ZNF90: variants seen among roughly 807,000 people sequenced by gnomAD.
ZNF90 encodes the protein zinc finger protein 90.
Under a neutral mutation model 12.0 loss-of-function variants are expected in ZNF90, and 11 were observed. The ratio of observed to expected loss-of-function variants is 0.92; its 90% confidence interval spans 0.58 to 1.52. The LOEUF is 1.52. Ranked by LOEUF, ZNF90 falls within the 40% of genes most tolerant of loss-of-function variation. The pLI, the probability that ZNF90 is intolerant of heterozygous loss-of-function variation, is 0.00. For synonymous variants in ZNF90, 232 were observed against 240.1 expected (o/e 0.97, Z 0.31); for missense variants, 765 against 711.5 (o/e 1.08, Z -0.86).
chr19:20,079,718 CAAAGT>C, intron 1 of ZNF90: 1 of 186,134 alleles, frequency 5.4e-6, no homozygotes, highest in Admixed American at 5.7e-5. Flanking sequence ...GAGGGTAGCT[CAAAGT>C]TCAGGAGCTT....
At position 20,083,212 on chromosome 19, in the gene ZNF90, A is replaced by G. The variant is rs566057575; in HGVS notation, c.3+5077A>G. On this transcript the variant is annotated intron_variant, in intron 1 of 3. Coordinates refer to ENST00000418063, the MANE Select transcript of ZNF90 (RefSeq NM_007138.2). Reference sequence around the variant, plus strand: ...CCCCTGGGCCCACTTTTCTTTCTCTATACTTTGTCTCTGTGTCTCTTTCTT... The same window carrying G: ...CCCCTGGGCCCACTTTTCTTTCTCTGTACTTTGTCTCTGTGTCTCTTTCTT... 3.0e-4 allele frequency among the ~76,000 whole-genome samples: 45 copies of G among 151,550 alleles called. 1 individual carries two copies. The highest frequency in any genetic ancestry group is 2.6e-4 in the Admixed American group (4 of 15,238).
chr19:20,091,230 C>T (rs536315417), intron 1 of ZNF90, among the ~76,000 whole-genome samples: 2,083 of 151,846 alleles, frequency 0.014, 45 homozygotes, highest in African/African-American at 0.048. Flanking sequence ...AATCCCCGAG[C>T]TTGATGTGTA....
At chr19:20,105,563 C>T (rs782495926) in intron 3 of ZNF90, among the ~76,000 whole-genome samples, 1 of 152,164 alleles carries the variant, frequency 6.6e-6, no homozygotes, top group Non-Finnish European at 1.5e-5. Flanking sequence ...CAGTGAGAGC[C>T]AGAGTCCTCT....
At chr19:20,115,264 A>G (rs917071372) in intron 3 of ZNF90, among the ~76,000 whole-genome samples, 3 of 152,126 alleles carry the variant, frequency 2.0e-5, no homozygotes, top group Non-Finnish European at 4.4e-5. Flanking sequence ...AAAATTTTTA[A>G]TAAACTTTTT....
At chr19:20,093,242 G>A (rs557339052) in intron 1 of ZNF90, among the ~76,000 whole-genome samples, 102 of 152,316 alleles carry the variant, frequency 6.7e-4, no homozygotes, top group Non-Finnish European at 1.1e-3. Flanking sequence ...AGACTTATCC[G>A]GTTTTTGGAC....
At position 20,117,982 on chromosome 19, in the gene ZNF90, A is replaced by T. The variant is rs781857834; in HGVS notation, c.428A>T (p.Lys143Ile). The T allele has an allele frequency of 1.2e-6, 2 of 1,613,500 alleles. No individual in the cohort carries two copies. The highest frequency in any genetic ancestry group is 1.7e-6 in the Non-Finnish European group (2 of 1,179,706). ...CAATGTTTGACAGCTACCCAGAGCA[A>T]AGTATTTCAATGTGATACATATGTG... Reference protein sequence around the residue: ...LNQCLTATQSKVFQCDTYVKV... With the variant: ...LNQCLTATQSIVFQCDTYVKV... The change falls in exon 4 of 4, where the codon AAA (lysine) becomes ATA (isoleucine). Residue 143 changes from lysine (K) to isoleucine (I), a missense_variant. By Grantham distance (102) the Lys-to-Ile change is moderately radical. Coordinates refer to ENST00000418063, the MANE Select transcript of ZNF90 (RefSeq NM_007138.2).
At chr19:20,109,788 T>C (rs1222096548) in intron 3 of ZNF90, among the ~76,000 whole-genome samples, 1 of 149,740 alleles carries the variant, frequency 6.7e-6, no homozygotes, top group East Asian at 2.0e-4. Flanking sequence ...TGAAGGGGAG[T>C]CAAAATTGTG....
intron 1 of ZNF90, among the ~76,000 whole-genome samples, chr19:20,091,367 A>G (rs781242648): frequency 6.6e-6 from 1 of 152,194 alleles, no homozygotes; most frequent in Non-Finnish European, 1.5e-5. Flanking sequence ...GAGACGGTCT[A>G]GCGGCTTGTA....
At chr19:20,115,112 G>A (rs1555705528) in intron 3 of ZNF90, among the ~76,000 whole-genome samples, 1 of 152,090 alleles carries the variant, frequency 6.6e-6, no homozygotes, top group Non-Finnish European at 1.5e-5. Flanking sequence ...TGTAGCTTGT[G>A]TAATACTATT....
rs879972723 is a variant in ZNF90 at position 20,118,282 on chromosome 19, C to T, written c.728C>T (p.Thr243Ile). ...GGCAAAGAATTAAAGTATTCCTCTA[C>T]CCTTACTGCACATAAGAGAATTCAT... is the stretch of plus-strand genomic sequence containing the variant. The part of the protein sequence containing the change: ...DCGKELKYSS[T>I]LTAHKRIHTG... Residue 243 changes from threonine (T) to isoleucine (I), a missense_variant, in exon 4 of 4, where the codon ACC becomes ATC. By Grantham distance (89) the Thr-to-Ile change is moderately conservative. Coordinates refer to ENST00000418063, the MANE Select transcript of ZNF90 (RefSeq NM_007138.2). 1.3e-6 allele frequency: 2 copies of T among 1,555,322 alleles called. No individual in the cohort carries two copies. The highest frequency in any genetic ancestry group is 4.9e-5 in the East Asian group (2 of 41,200).
At chr19:20,115,842 C>G (rs944806487) in intron 3 of ZNF90, among the ~76,000 whole-genome samples, 4 of 151,748 alleles carry the variant, frequency 2.6e-5, no homozygotes, top group Non-Finnish European at 4.4e-5. Flanking sequence ...TCTGTGTTTC[C>G]ATTTCACTTA....
intron 1 of ZNF90, among the ~76,000 whole-genome samples, chr19:20,093,250 G>T (rs1417713341): frequency 6.6e-6 from 1 of 152,236 alleles, no homozygotes. Flanking sequence ...CCGGTTTTTG[G>T]ACAGGTAAAA....
At chr19:20,089,312 G>A (rs1034444877) in intron 1 of ZNF90, among the ~76,000 whole-genome samples, 3 of 152,146 alleles carry the variant, frequency 2.0e-5, no homozygotes, top group African/African-American at 4.8e-5. Flanking sequence ...AGAGTCTGAC[G>A]AGCAAGGGGA....
Position 20,119,250 on chromosome 19 carries a change from A to G in ZNF90, c.1696A>G (p.Lys566Glu). 6.2e-7 allele frequency: 1 copy of G among 1,613,948 alleles called. No homozygotes were observed. The highest frequency in any genetic ancestry group is 8.5e-7 in the Non-Finnish European group (1 of 1,179,944). ...AAGTCATACTGGAGAGAAACCCTAC[A>G]AATGTGAAGAATGTGGCAAAGCTTT... ...KISHTGEKPY[K>E]CEECGKAFNL... Residue 566 changes from lysine (K) to glutamate (E), a missense_variant, in exon 4 of 4, where the codon AAA becomes GAA. Coordinates refer to ENST00000418063, the MANE Select transcript of ZNF90 (RefSeq NM_007138.2).
intron 1 of ZNF90, among the ~76,000 whole-genome samples, chr19:20,083,225 G>A (rs2088834154): frequency 6.6e-6 from 1 of 152,042 alleles, no homozygotes; most frequent in African/African-American, 2.4e-5. Flanking sequence ...CTTTGTCTCT[G>A]TGTCTCTTTC....
At chr19:20,089,896 G>A (rs1347324522) in intron 1 of ZNF90, among the ~76,000 whole-genome samples, 1 of 152,152 alleles carries the variant, frequency 6.6e-6, no homozygotes, top group African/African-American at 2.4e-5. Context: ...AAGCGGCTAG[G>A]AGAGAATGGG....
intron 3 of ZNF90, among the ~76,000 whole-genome samples, chr19:20,115,837 G>A (rs1306279054): frequency 6.6e-6 from 1 of 151,878 alleles, no homozygotes; most frequent in Non-Finnish European, 1.5e-5. Context: ...AGTTGTCTGT[G>A]TTTCCATTTC....
At chr19:20,099,571 C>G (rs115916289) in intron 1 of ZNF90, among the ~76,000 whole-genome samples, 177 of 152,316 alleles carry the variant, frequency 1.2e-3, no homozygotes, top group African/African-American at 3.9e-3. Flanking sequence ...TAGCCTTACT[C>G]TTTTGTCTTG....
chr19:20,078,262 C>G, intron 1 of ZNF90, 127 bp downstream of exon 1: 2 of 1,284,098 alleles, frequency 1.6e-6, no homozygotes, highest in Non-Finnish European at 2.2e-6. Flanking sequence ...TCTCCTTGCC[C>G]AGTTCGGCCT....
Sources: allele counts gnomAD v4.1 joint callset (sites outside exome capture counted in the v4.1 genomes callset), GRCh38; gene constraint gnomAD v4.1.1; transcripts MANE v1.5; gene names NCBI Gene and HGNC (gene_info 2026-07-23, HGNC 2026-07-21).